The following FOCAD variants were observed in gnomAD, a reference collection of about 807,000 sequenced individuals.
The protein encoded by FOCAD is KIAA1797.
Under a neutral mutation model 225.6 loss-of-function variants are expected in FOCAD, and 198 were observed. The observed-to-expected ratio is 0.88, with a 90% CI of 0.78 to 0.99. The LOEUF (loss-of-function observed/expected upper bound fraction) is 0.99, where lower values mean the gene tolerates loss of function less well. Ranked by LOEUF, FOCAD falls within the 50% of genes least tolerant of loss-of-function variation. The pLI, the probability that FOCAD is intolerant of heterozygous loss-of-function variation, is 0.00. For missense variants in FOCAD, 2,713 were observed against 2,123.6 expected, an observed-to-expected ratio of 1.28 and a Z score of -5.46; for synonymous variants, 897 against 755.0, an observed-to-expected ratio of 1.19 and a Z score of -3.08.
chr9:20,885,175 T>G lies in FOCAD; in HGVS notation c.2570T>G (p.Leu857Arg). 1 of 1,547,334 alleles carries G rather than the reference T, an allele frequency of 6.5e-7. No homozygotes were observed. Among genetic ancestry groups the G allele is most frequent in the Non-Finnish European group, 8.7e-7 (1 of 1,144,124 alleles). Residue 857 changes from leucine (L) to arginine (R), a missense_variant, in exon 21 of 44, where the codon CTG (leucine) becomes CGG (arginine). Coordinates refer to ENST00000338382, the MANE Select transcript of FOCAD (RefSeq NM_001375567.1). Reference sequence around the variant, plus strand: ...AAAGATGGAAAACCATTGAACAGACTGATGGCCAGCAGAGGGCGAAGTTTC... The same window carrying G: ...AAAGATGGAAAACCATTGAACAGACGGATGGCCAGCAGAGGGCGAAGTTTC... Reference protein sequence around the residue: ...QSKDGKPLNRLMASRGRSFKQ... With the variant: ...QSKDGKPLNRRMASRGRSFKQ...
intron 35 of FOCAD, chr9:20,957,478 C>CTTTTCTTTTCTTTTTTTTTTT (rs1554741394): frequency 1.2e-5 from 1 of 81,480 alleles, no homozygotes; most frequent in African/African-American, 4.9e-5. Flanking sequence ...CTTTTCTTTT[C>CTTTTCTTTTCTTTTTTTTTTT]TTTTTTTTTT....
At chr9:20,826,884 GT>G (rs1212475336) in intron 15 of FOCAD, among the ~76,000 whole-genome samples, 1 of 152,008 alleles carries the variant, frequency 6.6e-6, no homozygotes, top group East Asian at 1.9e-4. Flanking sequence ...AATAATTAAT[GT>G]TCCTGCATTC....
chr9:20,698,760 ACT>A (rs1823594486), intron 1 of FOCAD, among the ~76,000 whole-genome samples: 1 of 151,726 alleles, frequency 6.6e-6, no homozygotes, highest in African/African-American at 2.4e-5. Flanking sequence ...CATTATTAAA[ACT>A]CTTTACAAAT....
intron 1 of FOCAD, among the ~76,000 whole-genome samples, chr9:20,699,779 T>TATATATATATAC (rs1403037273): frequency 3.6e-4 from 20 of 54,826 alleles, no homozygotes; most frequent in African/African-American, 1.4e-3. Context: ...AAAAAATATA[T>TATATATATATAC]ATATATATAT....
At chr9:20,655,764 G>A (rs1490055060), upstream of FOCAD, among the ~76,000 whole-genome samples, 1 of 151,964 alleles carries the variant, frequency 6.6e-6, no homozygotes, top group Non-Finnish European at 1.5e-5. Flanking sequence ...GGTTTTTTGT[G>A]TCTCTATTTC....
chr9:20,874,847 G>C (rs756874528), intron 19 of FOCAD, 40 bp downstream of exon 19: 39 of 1,612,050 alleles, frequency 2.4e-5, no homozygotes, highest in Non-Finnish European at 3.2e-5. Flanking sequence ...GCATTTTTTA[G>C]TGGTTCGATT....
chr9:20,916,924 A>G lies in FOCAD; in HGVS notation c.2839A>G (p.Lys947Glu). 1 of 1,603,482 alleles carries G rather than the reference A, an allele frequency of 6.2e-7. No homozygotes were observed. The highest frequency in any genetic ancestry group is 1.1e-5 in the South Asian group (1 of 88,300). ...AGACATGCTGACTGATGAGATCACC[A>G]AGGCAGCTGCAAAGTAAGATCCATT... Reference protein sequence around the residue: ...VRDMLTDEITKAAAKESPVVK... With the variant: ...VRDMLTDEITEAAAKESPVVK... The change falls in exon 24 of 44, where the codon AAG becomes GAG. Residue 947 changes from lysine to glutamate, a missense_variant. Transcript: ENST00000338382.
chr9:20,701,459 A>G (rs1563891054), intron 1 of FOCAD, among the ~76,000 whole-genome samples: 1 of 152,234 alleles, frequency 6.6e-6, no homozygotes, highest in Non-Finnish European at 1.5e-5. Flanking sequence ...TCATTTGGGT[A>G]TATAATTGCT....
chr9:20,758,942 C>G (rs1017797679), intron 6 of FOCAD, among the ~76,000 whole-genome samples: 1 of 152,038 alleles, frequency 6.6e-6, no homozygotes, highest in Non-Finnish European at 1.5e-5. Context: ...ACTCAATGTA[C>G]AAAAATCACA....
chr9:20,667,382 T>G (rs2131270155), intron 2 of FOCAD, among the ~76,000 whole-genome samples: 1 of 152,328 alleles, frequency 6.6e-6, no homozygotes, highest in South Asian at 2.1e-4. Flanking sequence ...TAAAGCAAAG[T>G]CTACAAATGC....
chr9:20,770,174 A>T lies in FOCAD; in HGVS notation c.842A>T (p.Lys281Met). 1 of 1,614,120 alleles carries T rather than the reference A, an allele frequency of 6.2e-7. No individual in the cohort carries two copies. Among genetic ancestry groups the T allele is most frequent in the Non-Finnish European group, 8.5e-7 (1 of 1,180,008 alleles). ...QLLCVSEVSL[K>M]ITGECSSSIH... is the part of the protein sequence containing the mutation. Reference sequence around the variant, plus strand: ...CTGTGTGTCAGTGAAGTCAGCTTAAAGATAACTGGTGAATGTTCATCTTCA... The same window carrying T: ...CTGTGTGTCAGTGAAGTCAGCTTAATGATAACTGGTGAATGTTCATCTTCA... The change falls in exon 8 of 44, where the codon AAG (lysine) becomes ATG (methionine). Residue 281 changes from lysine (K) to methionine (M), a missense_variant. Coordinates refer to ENST00000338382, the MANE Select transcript of FOCAD (RefSeq NM_001375567.1).
chr9:20,754,269 T>C (rs1250778619), intron 5 of FOCAD, among the ~76,000 whole-genome samples: 3 of 152,216 alleles, frequency 2.0e-5, no homozygotes, highest in Admixed American at 2.0e-4. Context: ...CTTATGGAAT[T>C]TTAAATGCTT....
intron 23 of FOCAD, among the ~76,000 whole-genome samples, chr9:20,915,932 A>G (rs1224268212): frequency 1.3e-5 from 2 of 152,208 alleles, no homozygotes; most frequent in Non-Finnish European, 2.9e-5. Context: ...ATTTAGGAAT[A>G]CGGAAATTAA....
intron 1 of FOCAD, among the ~76,000 whole-genome samples, chr9:20,689,459 T>A (rs1204704011): frequency 1.5e-5 from 1 of 67,618 alleles, no homozygotes; most frequent in African/African-American, 5.8e-5. Context: ...CGGGTGGGGG[T>A]GGGATGGGGT....
At chr9:20,701,260 C>A (rs1823918607) in intron 1 of FOCAD, among the ~76,000 whole-genome samples, 1 of 152,188 alleles carries the variant, frequency 6.6e-6, no homozygotes, top group South Asian at 2.1e-4. Flanking sequence ...GATCTTCCTG[C>A]TTCTGGACAT....
chr9:20,944,281 G>A (rs1394761633), intron 28 of FOCAD, among the ~76,000 whole-genome samples: 1 of 152,152 alleles, frequency 6.6e-6, no homozygotes, highest in Non-Finnish European at 1.5e-5. Flanking sequence ...GTGTTGCAGG[G>A]AAAACTACAG....
intron 15 of FOCAD, among the ~76,000 whole-genome samples, chr9:20,830,316 A>G (rs1382632178): frequency 6.6e-6 from 1 of 152,058 alleles, no homozygotes; most frequent in Non-Finnish European, 1.5e-5. Flanking sequence ...GCTAAAATAT[A>G]TTAATTTTTA....
At chr9:20,888,846 C>T (rs1330514051) in intron 21 of FOCAD, among the ~76,000 whole-genome samples, 1 of 152,146 alleles carries the variant, frequency 6.6e-6, no homozygotes, top group Non-Finnish European at 1.5e-5. Flanking sequence ...CTCGCTCCTC[C>T]TTGCTTTCTG....
At chr9:20,767,337 C>A (rs1336718941) in intron 7 of FOCAD, among the ~76,000 whole-genome samples, 1 of 142,218 alleles carries the variant, frequency 7.0e-6, no homozygotes, top group African/African-American at 2.6e-5. Flanking sequence ...TGGGTATATA[C>A]CCAGTAATGG....
Sources: gnomAD v4.1 joint callset for allele counts (sites outside exome capture counted in the v4.1 genomes callset) on GRCh38, gnomAD v4.1.1 for gene constraint, MANE v1.5 for transcripts, NCBI Gene and HGNC (gene_info 2026-07-23, HGNC 2026-07-21) for gene names.